Variants in ZNF565 observed in about 807,000 individuals in gnomAD.
ZNF565 encodes zinc finger protein 565.
ZNF565 carries 27 observed loss-of-function variants against 39.4 expected under a neutral mutation model. The observed-to-expected ratio is 0.69, with a 90% CI of 0.51 to 0.95. The LOEUF is 0.95. ZNF565 is among the 40% of genes least tolerant of loss of function. ZNF565 has a pLI of 0.00. For missense variants in ZNF565, 524 were observed against 621.1 expected (o/e 0.84, Z 1.66); for synonymous variants, 185 against 216.6 (o/e 0.85, Z 1.28).
chr19:36,226,233 A>G (rs1447786423), intron 1 of ZNF565, among the ~76,000 whole-genome samples: 1 of 152,226 alleles, frequency 6.6e-6, no homozygotes, highest in Non-Finnish European at 1.5e-5. Context: ...CTGAATGTAT[A>G]GAGTCTCAAA....
chr19:36,193,595 C>G, intron 4 of ZNF565, among the ~76,000 whole-genome samples: 1 of 151,770 alleles, frequency 6.6e-6, no homozygotes, highest in Admixed American at 6.6e-5. Flanking sequence ...CGCCTACCAC[C>G]ACACCCGGCT....
intron 1 of ZNF565, among the ~76,000 whole-genome samples, chr19:36,204,857 G>C (rs963198652): frequency 7.2e-5 from 11 of 151,990 alleles, no homozygotes; most frequent in Non-Finnish European, 4.4e-5. Flanking sequence ...AGGCACGGTG[G>C]TGCGTGCCGG....
intron 1 of ZNF565, among the ~76,000 whole-genome samples, chr19:36,223,009 T>C (rs899008526): frequency 1.3e-5 from 2 of 152,062 alleles, no homozygotes; most frequent in African/African-American, 4.8e-5. Flanking sequence ...AGGCACAGTC[T>C]CACTGTGTTG....
intron 4 of ZNF565, 72 bp from the exon 5 acceptor site, chr19:36,183,805 G>A (rs1013841072): frequency 7.3e-7 from 1 of 1,373,062 alleles, no homozygotes; most frequent in Non-Finnish European, 9.9e-7. Flanking sequence ...CTATAGTAGA[G>A]GCCAGGCACG....
intron 1 of ZNF565, among the ~76,000 whole-genome samples, chr19:36,204,377 C>A (rs1976076166): frequency 6.6e-6 from 1 of 152,174 alleles, no homozygotes; most frequent in Non-Finnish European, 1.5e-5. Context: ...ATATTGTGAG[C>A]AGAGTGAAAT....
intron 1 of ZNF565, chr19:36,228,540 A>G (rs1244601587): frequency 2.6e-5 from 4 of 152,220 alleles, no homozygotes; most frequent in Admixed American, 6.5e-5. Flanking sequence ...TTTGAAGTTT[A>G]GGATTCTAAT....
intron 1 of ZNF565, among the ~76,000 whole-genome samples, chr19:36,235,054 C>T (rs1009691524): frequency 6.6e-6 from 1 of 151,838 alleles, no homozygotes; most frequent in African/African-American, 2.4e-5. Flanking sequence ...GAAAGATGAG[C>T]ATTATTTAGC....
intron 1 of ZNF565, among the ~76,000 whole-genome samples, chr19:36,221,640 A>G (rs1414475422): frequency 6.6e-6 from 1 of 152,106 alleles, no homozygotes; most frequent in Non-Finnish European, 1.5e-5. Flanking sequence ...TAAGTAATGC[A>G]TTTCTGTGAT....
chr19:36,234,564 AT>A (rs1977563131), intron 1 of ZNF565, among the ~76,000 whole-genome samples: 1 of 152,010 alleles, frequency 6.6e-6, no homozygotes, highest in Non-Finnish European at 1.5e-5. Context: ...CGCCCGGCTA[AT>A]TTTTTGTATT....
rs1206352746 is a variant in ZNF565, at chr19:36,245,448, G to A, written c.55+28C>T. On this transcript the variant is annotated intron_variant, in intron 1 of 4. Coordinates refer to the ZNF565 transcript ENST00000355114. The surrounding 1 kb of genome is among the most constrained non-coding windows in gnomAD (Gnocchi z 4.4). The stretch of plus-strand genomic sequence containing the variant: ...CCAGAAAATCCGGATCACATTTCCC[G>A]TGGTCCACCGCGCATCTAGGAGGTT... 2.8e-6 allele frequency: 2 copies of A among 702,074 alleles called. No individual in the cohort carries two copies. The highest frequency in any genetic ancestry group is 1.5e-5 in the South Asian group (1 of 67,600). The allele number at this position is 702,074 out of a possible 1,614,324, so 43.5% of individuals were successfully genotyped here.
chr19:36,240,643 T>G (rs1600007733), intron 1 of ZNF565, among the ~76,000 whole-genome samples: 1 of 151,392 alleles, frequency 6.6e-6, no homozygotes. Flanking sequence ...CCGAGGCGGG[T>G]GGATCACCTG....
Position 36,245,549 on chromosome 19 carries a change from T to C in ZNF565, c.-19A>G, listed in dbSNP as rs1320529535. The C allele has an allele frequency of 1.4e-6, 1 of 702,272 alleles. No individual in the cohort carries two copies. Among genetic ancestry groups the C allele is most frequent in the South Asian group, 1.5e-5 (1 of 67,592 alleles). 43.5% of individuals were successfully genotyped at this position (702,272 alleles called of 1,614,324 possible). The stretch of plus-strand genomic sequence containing the variant: ...GGCGCATTTAGGTGGTGGCTTGCTC[T>C]GGACTACATTTCCCAGGGTCCACCG... On this transcript the variant is annotated 5_prime_UTR_variant, in exon 1 of 5. Transcript: ENST00000355114. This position sits in a 1 kb window ranked among gnomAD's most constrained non-coding sequence, Gnocchi z 4.4.
At chr19:36,226,912 C>T (rs893694728) in intron 1 of ZNF565, among the ~76,000 whole-genome samples, 47 of 151,716 alleles carry the variant, frequency 3.1e-4, no homozygotes, top group Admixed American at 2.6e-3. Context: ...AGAGAAACTC[C>T]GTCTCTACTG....
intron 1 of ZNF565, chr19:36,236,883 A>G: frequency 6.2e-7 from 1 of 1,614,142 alleles, no homozygotes; most frequent in Non-Finnish European, 8.5e-7. Flanking sequence ...GAGCATGAGA[A>G]AATCCATATT....
chr19:36,190,275 G>T (rs1309216944), intron 4 of ZNF565, among the ~76,000 whole-genome samples: 1 of 151,984 alleles, frequency 6.6e-6, no homozygotes, highest in African/African-American at 2.4e-5. Context: ...AGGGGAGTTG[G>T]AATTCAGATT....
At chr19:36,207,791 G>C (rs1483075548) in intron 1 of ZNF565, among the ~76,000 whole-genome samples, 1 of 152,134 alleles carries the variant, frequency 6.6e-6, no homozygotes, top group Non-Finnish European at 1.5e-5. Flanking sequence ...ACACCAGAAA[G>C]ACTGCACAAT....
intron 1 of ZNF565, among the ~76,000 whole-genome samples, chr19:36,224,314 G>A (rs2145417522): frequency 6.6e-6 from 1 of 152,286 alleles, no homozygotes; most frequent in Non-Finnish European, 1.5e-5. Context: ...ATAGGAGGGC[G>A]GAGGTTGCAG....
intron 1 of ZNF565, among the ~76,000 whole-genome samples, chr19:36,221,329 C>T (rs1328506559): frequency 1.2e-4 from 17 of 144,182 alleles, no homozygotes. Context: ...CACTCTGTCC[C>T]CTAGGCTGGA....
At chr19:36,198,668 C>T (rs950630512) in intron 2 of ZNF565, among the ~76,000 whole-genome samples, 1 of 151,512 alleles carries the variant, frequency 6.6e-6, no homozygotes, top group African/African-American at 2.4e-5. Flanking sequence ...GGCATGATCT[C>T]GGCTCACTGC....
Sources: gnomAD v4.1 joint callset for allele counts (sites outside exome capture counted in the v4.1 genomes callset) on GRCh38, gnomAD v4.1.1 for gene constraint, Gnocchi (gnomAD v3.1) non-coding constraint, MANE v1.5 for transcripts, NCBI Gene and HGNC (gene_info 2026-07-23, HGNC 2026-07-21) for gene names.